The following KCNMA1 variants were observed in gnomAD, a reference collection of about 807,000 sequenced individuals.
The protein encoded by KCNMA1 is Calcium-activated potassium channel subunit alpha-1.
In KCNMA1, 29 loss-of-function variants were observed where a neutral mutation model predicts 140.0. The observed-to-expected ratio is 0.21, with a 90% CI of 0.15 to 0.28. The LOEUF (loss-of-function observed/expected upper bound fraction) is 0.28. Among genes scored for constraint, KCNMA1 ranks in the 10% least tolerant of loss-of-function variants. The probability of loss-of-function intolerance (pLI) is 1.00; values close to 1 mark genes in which losing one functional copy is unlikely to be tolerated. For missense variants in KCNMA1, 880 were observed against 1,602.2 expected (o/e 0.55, Z 7.70); for synonymous variants, 612 against 611.9 (o/e 1.00, Z 0.00).
chr10:77,581,681 T>G (rs2075941987), intron 1 of KCNMA1, among the ~76,000 whole-genome samples: 1 of 152,210 alleles, frequency 6.6e-6, no homozygotes, highest in Non-Finnish European at 1.5e-5. Flanking sequence ...CTCAGTTGCC[T>G]TACTCCCTCC....
At chr10:76,945,594 A>T (rs2063712941) in intron 22 of KCNMA1, among the ~76,000 whole-genome samples, 1 of 152,220 alleles carries the variant, frequency 6.6e-6, no homozygotes, top group Admixed American at 6.5e-5. Flanking sequence ...TATTTTCAGC[A>T]AGAAAAAAAT....
At chr10:77,041,789 C>T (rs914250017) in intron 14 of KCNMA1, among the ~76,000 whole-genome samples, 1 of 152,114 alleles carries the variant, frequency 6.6e-6, no homozygotes, top group Non-Finnish European at 1.5e-5. Flanking sequence ...AGCCACCCCG[C>T]CAACAGGAAG....
At chr10:77,068,698 T>TTGTGTGTA (rs2096058375) in intron 14 of KCNMA1, among the ~76,000 whole-genome samples, 1 of 132,576 alleles carries the variant, frequency 7.5e-6, no homozygotes, top group African/African-American at 2.9e-5. Flanking sequence ...GTTCCAGGTT[T>TTGTGTGTA]TGTGTGTGTG....
At chr10:77,110,494 G>A in intron 7 of KCNMA1, 151 bp from the exon 8 acceptor site, 1 of 745,158 alleles carries the variant, frequency 1.3e-6, no homozygotes, top group Admixed American at 1.9e-5. Context: ...TGAGTTCTGT[G>A]AGTCAGGATG....
intron 1 of KCNMA1, among the ~76,000 whole-genome samples, chr10:77,588,848 G>T (rs140099004): frequency 3.3e-5 from 5 of 152,328 alleles, no homozygotes; most frequent in Non-Finnish European, 7.3e-5. Context: ...CATTTATTGA[G>T]TGCCTACTAC....
intron 1 of KCNMA1, among the ~76,000 whole-genome samples, chr10:77,491,748 CA>C (rs1567135594): frequency 1.6e-4 from 23 of 147,474 alleles, no homozygotes; most frequent in East Asian, 7.8e-4. Context: ...CACACACACA[CA>C]CACACCCTAC....
Position 76,886,210 on chromosome 10 carries a change from CTA to C in KCNMA1, c.*1054_*1055del. ...TCTACCATTGCCCCAGCCCTTCCTCCTACCTGGCATTGGGGCCCTAACTAATC... is the reference window on the plus strand; with the variant it reads ...TCTACCATTGCCCCAGCCCTTCCTCCCCTGGCATTGGGGCCCTAACTAATC... On this transcript the variant is annotated 3_prime_UTR_variant, in exon 28 of 28. Coordinates refer to ENST00000286628, the MANE Select transcript of KCNMA1 (RefSeq NM_001161352.2). 1 of 985,434 alleles carries C rather than the reference CTA, an allele frequency of 1.0e-6. No homozygotes were observed. Among genetic ancestry groups the C allele is most frequent in the Non-Finnish European group, 1.2e-6 (1 of 829,932 alleles). 61.0% of individuals were successfully genotyped at this position (985,434 alleles called of 1,614,324 possible). A position where few individuals can be genotyped will look rare whatever the true frequency, so the allele number is the denominator to read the frequency against.
At chr10:77,085,630 T>C (rs1476824364) in intron 11 of KCNMA1, among the ~76,000 whole-genome samples, 2 of 152,178 alleles carry the variant, frequency 1.3e-5, no homozygotes, top group Non-Finnish European at 2.9e-5. Flanking sequence ...AGGGAGGCCA[T>C]AATATCCTCC....
chr10:77,426,771 C>T (rs893923449), intron 1 of KCNMA1, among the ~76,000 whole-genome samples: 1 of 152,214 alleles, frequency 6.6e-6, no homozygotes, highest in Non-Finnish European at 1.5e-5. Flanking sequence ...TTCTTCAAGG[C>T]ATCCCCAGCA....
In KCNMA1 at chr10:76,885,068, C is replaced by T. The variant is rs2036237290; in HGVS notation, c.*2198G>A. Reference sequence around the variant, plus strand: ...GAGTTTTACAATGCTTTTAAACTGTCATATTTCCTGTTGAGCACTTTAACT... The same window carrying T: ...GAGTTTTACAATGCTTTTAAACTGTTATATTTCCTGTTGAGCACTTTAACT... On this transcript the variant is annotated 3_prime_UTR_variant, in exon 28 of 28. Coordinates refer to ENST00000286628, the MANE Select transcript of KCNMA1 (RefSeq NM_001161352.2). 6.5e-7 allele frequency: 1 copy of T among 1,544,654 alleles called. No individual in the cohort carries two copies. The highest frequency in any genetic ancestry group is 8.7e-7 in the Non-Finnish European group (1 of 1,144,632).
At chr10:77,533,874 C>G (rs1443440798) in intron 1 of KCNMA1, among the ~76,000 whole-genome samples, 2 of 152,124 alleles carry the variant, frequency 1.3e-5, no homozygotes, top group Non-Finnish European at 2.9e-5. Flanking sequence ...TCTATAGAGC[C>G]AAAGCTCTAA....
chr10:76,887,926 C>CA lies in KCNMA1; in HGVS notation c.3462-412dup, dbSNP rs200747100. ...ATCACAAGATCTTTGTTTACCATGA[C>CA]AGAGTGTCTCCTTAGACTATTCTCG... On this transcript the variant is annotated intron_variant, in intron 27 of 27. Transcript: ENST00000286628. 1,396 of 261,412 alleles carry CA rather than the reference C, an allele frequency of 5.3e-3. 25 individuals carry two copies. The highest frequency in any genetic ancestry group is 0.029 in the African/African-American group (1,334 of 45,266). 16.2% of individuals were successfully genotyped at this position (261,412 alleles called of 1,614,324 possible). A position where few individuals can be genotyped will look rare whatever the true frequency, so the allele number is the denominator to read the frequency against.
chr10:77,289,594 T>C (rs146810190), intron 2 of KCNMA1, among the ~76,000 whole-genome samples: 31 of 152,306 alleles, frequency 2.0e-4, no homozygotes, highest in African/African-American at 6.7e-4. Flanking sequence ...AGATGACCCA[T>C]AAAGGATGTA....
intron 1 of KCNMA1, among the ~76,000 whole-genome samples, chr10:77,545,565 C>T (rs1280629782): frequency 6.6e-6 from 1 of 152,180 alleles, no homozygotes. Flanking sequence ...ATATACTGTC[C>T]AGCATCTCCT....
intron 23 of KCNMA1, among the ~76,000 whole-genome samples, chr10:76,920,419 A>G (rs2055246664): frequency 6.6e-6 from 1 of 152,134 alleles, no homozygotes; most frequent in Non-Finnish European, 1.5e-5. Context: ...TGAAGCACAG[A>G]GAAGGTAAGC....
At chr10:77,447,388 C>T (rs1330130042) in intron 1 of KCNMA1, among the ~76,000 whole-genome samples, 2 of 152,232 alleles carry the variant, frequency 1.3e-5, no homozygotes, top group East Asian at 3.8e-4. Flanking sequence ...TACCCATCTC[C>T]CACCAGAAAT....
intron 1 of KCNMA1, among the ~76,000 whole-genome samples, chr10:77,578,991 G>A (rs951883651): frequency 1.3e-5 from 2 of 152,172 alleles, no homozygotes; most frequent in Non-Finnish European, 1.5e-5. Flanking sequence ...TGTGCTGAGC[G>A]CCCAGCTGCC....
At chr10:77,516,193 C>A (rs1200434295) in intron 1 of KCNMA1, among the ~76,000 whole-genome samples, 1 of 152,054 alleles carries the variant, frequency 6.6e-6, no homozygotes, top group Non-Finnish European at 1.5e-5. Context: ...ACAGCCCACC[C>A]CCCTACTCCG....
intron 3 of KCNMA1, among the ~76,000 whole-genome samples, chr10:77,243,856 G>A (rs2086760579): frequency 6.6e-6 from 1 of 152,130 alleles, no homozygotes; most frequent in African/African-American, 2.4e-5. Flanking sequence ...ACAGTGGGGA[G>A]GGAGAGAGAG....
Sources: allele counts gnomAD v4.1 joint callset (sites outside exome capture counted in the v4.1 genomes callset), GRCh38; gene constraint gnomAD v4.1.1; transcripts MANE v1.5; gene names NCBI Gene and HGNC (gene_info 2026-07-23, HGNC 2026-07-21).